The following TEC variants were observed in gnomAD, a reference collection of about 807,000 sequenced individuals.
The protein encoded by TEC is tec protein tyrosine kinase.
In TEC, 72 loss-of-function variants were observed where a neutral mutation model predicts 93.0. The observed-to-expected ratio is 0.77, with a 90% CI of 0.64 to 0.94. The LOEUF is 0.94. Among genes scored for constraint, TEC ranks in the 40% least tolerant of loss-of-function variants. The pLI, the probability that TEC is intolerant of heterozygous loss-of-function variation, is 0.00. For synonymous variants in TEC, 249 were observed against 247.7 expected (o/e 1.01, Z -0.05); for missense variants, 630 against 757.9 (o/e 0.83, Z 1.98).
intron 2 of TEC, among the ~76,000 whole-genome samples, chr4:48,206,978 C>CA (rs1241894817): frequency 2.0e-5 from 3 of 151,666 alleles, no homozygotes; most frequent in East Asian, 3.9e-4. Flanking sequence ...AACAAACAAA[C>CA]AAAAAAACCC....
At chr4:48,219,904 G>A (rs1292300624) in intron 2 of TEC, among the ~76,000 whole-genome samples, 4 of 151,966 alleles carry the variant, frequency 2.6e-5, no homozygotes, top group South Asian at 2.1e-4. Flanking sequence ...CTCCACACAC[G>A]GGGAGAACAC....
intron 1 of TEC, among the ~76,000 whole-genome samples, chr4:48,267,516 T>C (rs1724669837): frequency 6.6e-6 from 1 of 152,228 alleles, no homozygotes; most frequent in Non-Finnish European, 1.5e-5. Context: ...AGGATAATTT[T>C]ACAATTGCCA....
At chr4:48,171,104 T>C (rs1290639325) in intron 4 of TEC, among the ~76,000 whole-genome samples, 2 of 152,198 alleles carry the variant, frequency 1.3e-5, no homozygotes, top group Admixed American at 1.3e-4. Flanking sequence ...TTGCGCTTTA[T>C]CACCTTCAGA....
chr4:48,254,800 A>T (rs1724297366), intron 1 of TEC, among the ~76,000 whole-genome samples: 2 of 152,198 alleles, frequency 1.3e-5, no homozygotes, highest in African/African-American at 4.8e-5. Flanking sequence ...GGGCTATGCC[A>T]TAGGGCAGGA....
At chr4:48,187,945 T>C (rs1251927910) in intron 2 of TEC, among the ~76,000 whole-genome samples, 1 of 152,214 alleles carries the variant, frequency 6.6e-6, no homozygotes, top group Non-Finnish European at 1.5e-5. Context: ...GCCACATTTT[T>C]CCTCCCCTTT....
chr4:48,153,555 T>C (rs956815922), intron 9 of TEC: 1 of 152,214 alleles, frequency 6.6e-6, no homozygotes, highest in African/African-American at 2.4e-5. Flanking sequence ...TGCCTAGTGT[T>C]CCATTATTGG....
intron 1 of TEC, among the ~76,000 whole-genome samples, chr4:48,239,068 T>C (rs1451506067): frequency 1.3e-5 from 2 of 152,212 alleles, no homozygotes; most frequent in Non-Finnish European, 2.9e-5. Flanking sequence ...TTATAGTCGG[T>C]TAACATTTAT....
chr4:48,142,746 C>T (rs1416807772), intron 14 of TEC, among the ~76,000 whole-genome samples: 1 of 151,832 alleles, frequency 6.6e-6, no homozygotes, highest in African/African-American at 2.4e-5. Flanking sequence ...AGTGGTGCGA[C>T]CTTGGCTCAC....
At chr4:48,255,193 A>T (rs76088404) in intron 1 of TEC, among the ~76,000 whole-genome samples, 2 of 152,298 alleles carry the variant, frequency 1.3e-5, no homozygotes, top group Non-Finnish European at 2.9e-5. Flanking sequence ...ACCACCGTGC[A>T]GTGCTGCTTC....
intron 1 of TEC, among the ~76,000 whole-genome samples, chr4:48,234,410 A>G (rs1723723571): frequency 6.6e-6 from 1 of 152,208 alleles, no homozygotes; most frequent in African/African-American, 2.4e-5. Flanking sequence ...CCCCCAATAG[A>G]TGATGAAGGG....
intron 2 of TEC, 79 bp from the exon 3 acceptor site, chr4:48,176,265 GCT>G (rs1721321551): frequency 1.8e-6 from 2 of 1,097,414 alleles, no homozygotes; most frequent in Non-Finnish European, 2.7e-6. Flanking sequence ...AGGAAATTTT[GCT>G]CTGATTCAAA....
At chr4:48,198,378 C>T (rs1722376671) in intron 2 of TEC, among the ~76,000 whole-genome samples, 1 of 152,210 alleles carries the variant, frequency 6.6e-6, no homozygotes, top group East Asian at 1.9e-4. Flanking sequence ...AACCATCCTC[C>T]AGGCTAAAGA....
intron 1 of TEC, among the ~76,000 whole-genome samples, chr4:48,249,721 T>C (rs544048938): frequency 6.6e-6 from 1 of 152,226 alleles, no homozygotes; most frequent in Non-Finnish European, 1.5e-5. Context: ...ATGTCTCAGA[T>C]TACTATAACT....
intron 8 of TEC, among the ~76,000 whole-genome samples, chr4:48,160,030 A>C (rs149842723): frequency 6.6e-6 from 1 of 152,336 alleles, no homozygotes; most frequent in East Asian, 1.9e-4. Context: ...TCCAGATCCA[A>C]GCCACAGCAG....
intron 13 of TEC, 35 bp downstream of exon 13, chr4:48,145,373 C>G (rs775730035): frequency 1.9e-6 from 3 of 1,612,808 alleles, no homozygotes; most frequent in Non-Finnish European, 2.5e-6. Flanking sequence ...CTTCTTAATA[C>G]AAAAAGATGA....
At position 48,157,207 on chromosome 4, in the gene TEC, T is replaced by C. The variant is rs893153990; in HGVS notation, c.738-473A>G. ...ATGCAGGAAGTGTCCCTTTGTATTATTGTCTGTAATTCAAACTAAATCTTA... is the reference window on the plus strand; with the variant it reads ...ATGCAGGAAGTGTCCCTTTGTATTACTGTCTGTAATTCAAACTAAATCTTA... On this transcript the variant is annotated intron_variant, in intron 8 of 17. Transcript: ENST00000381501. 1.4e-4 allele frequency among the ~76,000 whole-genome samples: 22 copies of C among 152,334 alleles called. 1 individual carries two copies. Among genetic ancestry groups the C allele is most frequent in the African/African-American group, 5.1e-4 (21 of 41,578 alleles).
chr4:48,253,685 C>G (rs771973037), intron 1 of TEC, among the ~76,000 whole-genome samples: 5 of 151,666 alleles, frequency 3.3e-5, no homozygotes, highest in African/African-American at 4.9e-5. Flanking sequence ...AACAATTCTC[C>G]TGCCTCAGCA....
intron 1 of TEC, among the ~76,000 whole-genome samples, chr4:48,263,674 G>A (rs935282358): frequency 6.6e-6 from 1 of 152,076 alleles, no homozygotes. Flanking sequence ...TCCAGTCTGG[G>A]TGACAGAGCG....
chr4:48,236,428 C>T (rs1470834935), intron 1 of TEC, among the ~76,000 whole-genome samples: 3 of 151,850 alleles, frequency 2.0e-5, no homozygotes. Flanking sequence ...ACTACAGGCG[C>T]CCGCCACTAC....
Sources: gnomAD v4.1 joint callset for allele counts (sites outside exome capture counted in the v4.1 genomes callset) on GRCh38, gnomAD v4.1.1 for gene constraint, MANE v1.5 for transcripts, NCBI Gene and HGNC (gene_info 2026-07-23, HGNC 2026-07-21) for gene names.